Variants in AMMECR1L observed in about 807,000 individuals in gnomAD.
The protein encoded by AMMECR1L is AMMECR1-like protein.
A neutral mutation model predicts 36.8 loss-of-function variants in AMMECR1L; 4 were observed. The ratio of observed to expected loss-of-function variants is 0.11; its 90% CI spans 0.05 to 0.25. The LOEUF is 0.25. Ranked by LOEUF, AMMECR1L falls within the 10% of genes least tolerant of loss-of-function variation. The pLI is 1.00. For missense variants in AMMECR1L, 232 were observed against 392.1 expected (o/e 0.59, Z 3.45); for synonymous variants, 147 against 148.0 (o/e 0.99, Z 0.05).
rs1341817307 is a variant in AMMECR1L, at chr2:127,873,540, C to T, written c.407+288G>A. ...CCCACTTGAGAGGTTAAATGCCATA[C>T]CCACTGCCATGTGAACCAACAGAAG... On this transcript the variant is annotated intron_variant, in intron 3 of 7. Transcript: ENST00000272647. The surrounding 1 kb of genome is among the most constrained non-coding windows in gnomAD (Gnocchi z 5.2). 1 of 985,326 alleles carries T rather than the reference C, an allele frequency of 1.0e-6. No individual in the cohort carries two copies. Among genetic ancestry groups the T allele is most frequent in the Non-Finnish European group, 1.2e-6 (1 of 829,940 alleles). 61.0% of individuals were successfully genotyped at this position (985,326 alleles called of 1,614,324 possible).
rs184713100 is a variant in AMMECR1L at position 127,873,270 on chromosome 2, G to C, written c.407+558C>G. 9.1e-5 allele frequency: 90 copies of C among 985,454 alleles called. No individual in the cohort carries two copies. Among genetic ancestry groups the C allele is most frequent in the Non-Finnish European group, 1.1e-4 (89 of 829,942 alleles). 61.0% of individuals were successfully genotyped at this position (985,454 alleles called of 1,614,324 possible). On this transcript the variant is annotated intron_variant, in intron 3 of 7. Coordinates refer to ENST00000272647, the MANE Select transcript of AMMECR1L (RefSeq NM_001199140.2). The surrounding 1 kb of genome is among the most constrained non-coding windows in gnomAD (Gnocchi z 5.2). ...ATTTAAGTCACTGAGACCAGTAGAG[G>C]GCTTGGGACAAGCAACAAAGAATCT...
chr2:127,870,702 C>T (rs1318980842), intron 5 of AMMECR1L, 112 bp downstream of exon 5: 46 of 787,258 alleles, frequency 5.8e-5, no homozygotes, highest in Non-Finnish European at 7.1e-5. Flanking sequence ...GTTCCAAACT[C>T]AGCCTTCACA....
rs1234101880 is a variant in AMMECR1L, at chr2:127,871,241, G to A, written c.518+8C>T. 6.2e-7 allele frequency: 1 copy of A among 1,613,258 alleles called. No individual in the cohort carries two copies. Among genetic ancestry groups the A allele is most frequent in the Non-Finnish European group, 8.5e-7 (1 of 1,179,358 alleles). ...TTATCTACAGTTCTTAATGTCTGGT[G>A]TCATTACCTGGTTAACGTGTATTCC... On this transcript the variant is annotated splice_region_variant and intron_variant, in intron 4 of 7. Coordinates refer to ENST00000272647, the MANE Select transcript of AMMECR1L (RefSeq NM_001199140.2). The surrounding 1 kb of genome is among the most constrained non-coding windows in gnomAD (Gnocchi z 4.3).
At chr2:127,880,991 T>C (rs908006732) in intron 2 of AMMECR1L, among the ~76,000 whole-genome samples, 2 of 152,298 alleles carry the variant, frequency 1.3e-5, no homozygotes, top group Admixed American at 6.5e-5. Context: ...CCACTGTGGA[T>C]AATTCATTTT....
At position 127,874,863 on chromosome 2, in the gene AMMECR1L, G is replaced by T. The variant is rs1003765002; in HGVS notation, c.-38-591C>A. ...ACAAGGCTCCCACCTTTCTGTCTCT[G>T]CAGCTCTCCTCCTCCAGCCCCCTCA... is the stretch of plus-strand genomic sequence containing the variant. On this transcript the variant is annotated intron_variant, in intron 2 of 7. Coordinates refer to ENST00000272647, the MANE Select transcript of AMMECR1L (RefSeq NM_001199140.2). The surrounding 1 kb of genome is among the most constrained non-coding windows in gnomAD (Gnocchi z 5.2). Among the ~76,000 whole-genome samples the T allele has an allele frequency of 2.0e-5, 3 of 152,188 alleles. No individual in the cohort carries two copies. The highest frequency in any genetic ancestry group is 7.2e-5 in the African/African-American group (3 of 41,454).
chr2:127,876,220 C>T (rs1490009708), intron 2 of AMMECR1L, among the ~76,000 whole-genome samples: 1 of 151,916 alleles, frequency 6.6e-6, no homozygotes, highest in East Asian at 1.9e-4. Flanking sequence ...CATGGTGGCA[C>T]ATGTCTGTGG....
At chr2:127,867,135 C>A (rs1690722542) in intron 6 of AMMECR1L, 139 bp from the exon 7 acceptor site, 2 of 1,474,738 alleles carry the variant, frequency 1.4e-6, no homozygotes, top group African/African-American at 1.4e-5. Context: ...GGGCACTGAC[C>A]CCCACGTACC....
Position 127,869,297 on chromosome 2 carries a change from C to T in AMMECR1L, c.724+157G>A, listed in dbSNP as rs1211463480. ...CTCCTAAACCTTTTTGGAAGTTTACCCTTGGTTCTATAGGAATTTGACAGG... is the reference window on the plus strand; with the variant it reads ...CTCCTAAACCTTTTTGGAAGTTTACTCTTGGTTCTATAGGAATTTGACAGG... On this transcript the variant is annotated intron_variant, in intron 6 of 7. Transcript: ENST00000272647. The surrounding 1 kb of genome is among the most constrained non-coding windows in gnomAD (Gnocchi z 4.7). 2.6e-5 allele frequency among the ~76,000 whole-genome samples: 4 copies of T among 152,126 alleles called. No individual in the cohort carries two copies. The East Asian group carries it at 7.7e-4, about 29-fold the overall frequency.
rs879330247 is a variant in AMMECR1L, at chr2:127,865,720, G to C, written c.822-515C>G. 2.0e-5 allele frequency among the ~76,000 whole-genome samples: 3 copies of C among 152,238 alleles called. No homozygotes were observed. The highest frequency in any genetic ancestry group is 4.4e-5 in the Non-Finnish European group (3 of 68,046). On this transcript the variant is annotated intron_variant, in intron 7 of 7. Transcript: ENST00000272647. This position sits in a 1 kb window ranked among gnomAD's most constrained non-coding sequence, Gnocchi z 5.4. ...CAAAGTCTGCTGAAGCAGGTTAAAG[G>C]ATCCTTGGGGCTATATAGGTCTCAC...
At position 127,871,733 on chromosome 2, in the gene AMMECR1L, C is replaced by G. The variant is rs1349306316; in HGVS notation, c.408-374G>C. Among the ~76,000 whole-genome samples, 1 of 152,158 alleles carries G rather than the reference C, an allele frequency of 6.6e-6. No homozygotes were observed. Among genetic ancestry groups the G allele is most frequent in the Non-Finnish European group, 1.5e-5 (1 of 68,028 alleles). ...TTATCCAGGTAGCCATGCTCCCCCGCTCCGTCTTTCATGATGACACGCCTC... is the reference window on the plus strand; with the variant it reads ...TTATCCAGGTAGCCATGCTCCCCCGGTCCGTCTTTCATGATGACACGCCTC... On this transcript the variant is annotated intron_variant, in intron 3 of 7. Coordinates refer to ENST00000272647, the MANE Select transcript of AMMECR1L (RefSeq NM_001199140.2). The surrounding 1 kb of genome is among the most constrained non-coding windows in gnomAD (Gnocchi z 4.3).
Position 127,862,898 on chromosome 2 carries a change from A to G in AMMECR1L, c.*2196T>C, listed in dbSNP as rs1481373333. On this transcript the variant is annotated 3_prime_UTR_variant, in exon 8 of 8. Coordinates refer to ENST00000272647, the MANE Select transcript of AMMECR1L (RefSeq NM_001199140.2). ...AAAATAAAATAAAATAAAATAATAA[A>G]ATAAAATAACATACCATACATTGGA... is the stretch of plus-strand genomic sequence containing the variant. 2 of 152,412 alleles carry G rather than the reference A, an allele frequency of 1.3e-5. No individual in the cohort carries two copies. The highest frequency in any genetic ancestry group is 4.8e-5 in the African/African-American group (2 of 41,456). The allele number at this position is 152,412 out of a possible 1,614,324, so 9.4% of individuals were successfully genotyped here.
At position 127,865,313 on chromosome 2, in the gene AMMECR1L, A is replaced by C; in HGVS notation, c.822-108T>G. On this transcript the variant is annotated intron_variant, in intron 7 of 7. Coordinates refer to ENST00000272647, the MANE Select transcript of AMMECR1L (RefSeq NM_001199140.2). The surrounding 1 kb of genome is among the most constrained non-coding windows in gnomAD (Gnocchi z 5.4). The stretch of plus-strand genomic sequence containing the variant: ...TTATTCCACATTTTGAAAGAATAAA[A>C]TGGAAGACCAAGAGCAATCTTACTT... 1.6e-6 allele frequency: 1 copy of C among 630,700 alleles called. No individual in the cohort carries two copies. The highest frequency in any genetic ancestry group is 2.7e-6 in the Non-Finnish European group (1 of 375,262). 39.1% of individuals were successfully genotyped at this position (630,700 alleles called of 1,614,324 possible).
At chr2:127,885,177 A>C (rs567815418) in intron 1 of AMMECR1L, 1 of 985,072 alleles carries the variant, frequency 1.0e-6, no homozygotes, top group East Asian at 1.1e-4. Flanking sequence ...GCCCAAGAGT[A>C]GGGGTGCGAA....
chr2:127,873,726 A>G lies in AMMECR1L; in HGVS notation c.407+102T>C. 1 of 1,584,348 alleles carries G rather than the reference A, an allele frequency of 6.3e-7. No individual in the cohort carries two copies. Among genetic ancestry groups the G allele is most frequent in the East Asian group, 2.2e-5 (1 of 44,778 alleles). On this transcript the variant is annotated intron_variant, in intron 3 of 7. Transcript: ENST00000272647. This position sits in a 1 kb window ranked among gnomAD's most constrained non-coding sequence, Gnocchi z 5.2. ...TTCTCTTCCCATTACCCTTTCCTCAAATGATAATAAAGACTTCCAAGTAGC... is the reference window on the plus strand; with the variant it reads ...TTCTCTTCCCATTACCCTTTCCTCAGATGATAATAAAGACTTCCAAGTAGC...
In AMMECR1L at chr2:127,877,783, G is replaced by A. The variant is rs375429286; in HGVS notation, c.-38-3511C>T. On this transcript the variant is annotated intron_variant, in intron 2 of 7. Coordinates refer to ENST00000272647, the MANE Select transcript of AMMECR1L (RefSeq NM_001199140.2). ...TAAATAAATAAATTCTGGGCTGGGA[G>A]TGGTGACTCACACCTATAATCCCAA... Among the ~76,000 whole-genome samples, 153 of 152,348 alleles carry A rather than the reference G, an allele frequency of 1.0e-3. 1 individual carries two copies. Among genetic ancestry groups the A allele is most frequent in the African/African-American group, 3.2e-3 (133 of 41,574 alleles).
chr2:127,879,564 G>A (rs1691398169), intron 2 of AMMECR1L, among the ~76,000 whole-genome samples: 1 of 152,104 alleles, frequency 6.6e-6, no homozygotes, highest in African/African-American at 2.4e-5. Flanking sequence ...TGCAAAAATG[G>A]ACTAATATAT....
At chr2:127,878,302 C>T (rs1384107492) in intron 2 of AMMECR1L, among the ~76,000 whole-genome samples, 2 of 152,096 alleles carry the variant, frequency 1.3e-5, no homozygotes, top group East Asian at 1.9e-4. Context: ...CTGTGGGCAG[C>T]GAGCTAGAGA....
chr2:127,875,042 C>T (rs1308734671), intron 2 of AMMECR1L, among the ~76,000 whole-genome samples: 2 of 152,210 alleles, frequency 1.3e-5, no homozygotes, highest in Non-Finnish European at 2.9e-5. Context: ...AGTTTCTGCC[C>T]TGTCATAGCC....
intron 2 of AMMECR1L, among the ~76,000 whole-genome samples, chr2:127,876,954 T>G (rs1402188418): frequency 6.6e-6 from 1 of 151,100 alleles, no homozygotes; most frequent in Non-Finnish European, 1.5e-5. Context: ...GAGGTGGAAG[T>G]TGCAGTAAGC....
Sources: gnomAD v4.1 joint callset for allele counts (sites outside exome capture counted in the v4.1 genomes callset) on GRCh38, gnomAD v4.1.1 for gene constraint, Gnocchi (gnomAD v3.1) non-coding constraint, MANE v1.5 for transcripts, NCBI Gene and HGNC (gene_info 2026-07-23, HGNC 2026-07-21) for gene names.